The following PRICKLE2 variants were observed in gnomAD, a reference collection of about 807,000 sequenced individuals.
PRICKLE2 encodes the protein prickle-like protein 2.
A neutral mutation model predicts 81.4 loss-of-function variants in PRICKLE2; 21 were observed. That is an observed-to-expected ratio of 0.26 (90% CI 0.18 to 0.37). PRICKLE2 has a LOEUF of 0.37. Ranked by LOEUF, PRICKLE2 falls within the 10% of genes least tolerant of loss-of-function variation. PRICKLE2 has a pLI of 1.00. For missense variants in PRICKLE2, 940 were observed against 1,109.0 expected (o/e 0.85, Z 2.16); for synonymous variants, 456 against 421.5 (o/e 1.08, Z -1.00).
chr3:64,179,708 G>A (rs1391265833), intron 2 of PRICKLE2, among the ~76,000 whole-genome samples: 1 of 152,186 alleles, frequency 6.6e-6, no homozygotes, highest in African/African-American at 2.4e-5. Context: ...GACCATGAAA[G>A]TGCTGCCGCA....
chr3:64,253,649 C>A (rs1300930517), intron 2 of PRICKLE2, among the ~76,000 whole-genome samples: 1 of 152,194 alleles, frequency 6.6e-6, no homozygotes, highest in Non-Finnish European at 1.5e-5. Flanking sequence ...AACCATGAGA[C>A]AAGTGCTGGA....
intron 7 of PRICKLE2, among the ~76,000 whole-genome samples, chr3:64,133,227 G>C (rs2077223416): frequency 6.6e-6 from 1 of 152,174 alleles, no homozygotes; most frequent in Non-Finnish European, 1.5e-5. Flanking sequence ...CTCCTGAATA[G>C]AAAGAGAGGC....
intron 6 of PRICKLE2, among the ~76,000 whole-genome samples, chr3:64,150,998 G>C (rs984271987): frequency 6.6e-6 from 1 of 152,174 alleles, no homozygotes; most frequent in Admixed American, 6.5e-5. Flanking sequence ...AGCCCTTTAA[G>C]TACTTCTTGG....
intron 7 of PRICKLE2, among the ~76,000 whole-genome samples, chr3:64,110,522 T>C (rs2076826330): frequency 6.6e-6 from 1 of 151,944 alleles, no homozygotes; most frequent in African/African-American, 2.4e-5. Context: ...CAGATAATAA[T>C]CACTAGGAAG....
At chr3:64,254,137 T>C (rs1437402934) in intron 2 of PRICKLE2, among the ~76,000 whole-genome samples, 1 of 152,244 alleles carries the variant, frequency 6.6e-6, no homozygotes, top group African/African-American at 2.4e-5. Flanking sequence ...AGTGAAAATG[T>C]TAATGCAACA....
rs539833122 is a variant in PRICKLE2 at position 64,236,573 on chromosome 3, G to A, written c.129-37606C>T. On this transcript the variant is annotated intron_variant, in intron 2 of 8. Transcript: ENST00000295902. ...AACCATTGAACTGGATCCTAGCTCT[G>A]TTCCTTCTAATCTTAAATATTCCAT... 1.0e-3 allele frequency among the ~76,000 whole-genome samples: 157 copies of A among 152,316 alleles called. 1 individual carries two copies. The highest frequency in any genetic ancestry group is 2.2e-3 in the Non-Finnish European group (147 of 68,028).
At chr3:64,256,224 C>T (rs1299538868) in intron 2 of PRICKLE2, among the ~76,000 whole-genome samples, 1 of 152,112 alleles carries the variant, frequency 6.6e-6, no homozygotes, top group African/African-American at 2.4e-5. Flanking sequence ...TTCTATATGG[C>T]CCAGGAGCTA....
At chr3:64,231,389 G>C (rs1042154327) in intron 2 of PRICKLE2, among the ~76,000 whole-genome samples, 11 of 152,152 alleles carry the variant, frequency 7.2e-5, no homozygotes, top group African/African-American at 2.4e-4. Flanking sequence ...GACAAAGAAA[G>C]CTGCACTTAT....
At chr3:64,106,285 A>G (rs144060711) in intron 7 of PRICKLE2, among the ~76,000 whole-genome samples, 1 of 152,300 alleles carries the variant, frequency 6.6e-6, no homozygotes, top group East Asian at 1.9e-4. Context: ...GGAGTTTGCA[A>G]ACTGCAATGG....
chr3:64,212,550 T>G (rs2078805991), intron 1 of PRICKLE2, among the ~76,000 whole-genome samples: 5 of 152,224 alleles, frequency 3.3e-5, no homozygotes, highest in Admixed American at 3.3e-4. Flanking sequence ...TCTACCTTCT[T>G]TGTGGACGAG....
intron 1 of PRICKLE2, among the ~76,000 whole-genome samples, chr3:64,219,747 G>A (rs1321048612): frequency 1.3e-5 from 2 of 152,214 alleles, no homozygotes; most frequent in East Asian, 1.9e-4. Flanking sequence ...ACATCCCCAG[G>A]GGACATTATA....
chr3:64,217,393 T>C (rs1418655257), intron 1 of PRICKLE2, among the ~76,000 whole-genome samples: 4 of 152,202 alleles, frequency 2.6e-5, no homozygotes, highest in Non-Finnish European at 4.4e-5. Context: ...ATATACTGCA[T>C]AGTGATGAAG....
At chr3:64,239,041 T>A (rs1352045894) in intron 2 of PRICKLE2, among the ~76,000 whole-genome samples, 2 of 151,976 alleles carry the variant, frequency 1.3e-5, no homozygotes, top group Admixed American at 6.6e-5. Context: ...TGCTGGTGCA[T>A]CCTCAGGGTC....
At chr3:64,164,055 G>A (rs1352547462) in intron 2 of PRICKLE2, 1 of 152,080 alleles carries the variant, frequency 6.6e-6, no homozygotes, top group African/African-American at 2.4e-5. Context: ...AAATGGAGAA[G>A]ATGGAAGACT....
chr3:64,208,843 C>A (rs1197085497), intron 1 of PRICKLE2, among the ~76,000 whole-genome samples: 3 of 152,196 alleles, frequency 2.0e-5, no homozygotes, highest in Non-Finnish European at 4.4e-5. Flanking sequence ...CCAGTGCTTT[C>A]TCCTACCTTG....
chr3:64,179,543 A>C (rs2078090105), intron 2 of PRICKLE2, among the ~76,000 whole-genome samples: 1 of 152,214 alleles, frequency 6.6e-6, no homozygotes, highest in Non-Finnish European at 1.5e-5. Flanking sequence ...TCAGTCTGTG[A>C]GCTGGAATAA....
chr3:64,138,577 G>T (rs1031298815), intron 7 of PRICKLE2, among the ~76,000 whole-genome samples: 3 of 152,172 alleles, frequency 2.0e-5, no homozygotes, highest in Non-Finnish European at 4.4e-5. Flanking sequence ...CATCATTTGG[G>T]CCCCTGGAAC....
intron 1 of PRICKLE2, among the ~76,000 whole-genome samples, chr3:64,221,125 T>C (rs1461650422): frequency 2.0e-5 from 3 of 152,074 alleles, no homozygotes; most frequent in East Asian, 1.9e-4. Context: ...CTTTGCACTT[T>C]CGTGGTGGAT....
intron 1 of PRICKLE2, among the ~76,000 whole-genome samples, chr3:64,202,534 T>C (rs1230400071): frequency 6.6e-6 from 1 of 152,182 alleles, no homozygotes; most frequent in Non-Finnish European, 1.5e-5. Flanking sequence ...GTTCTCAATT[T>C]CACTTTCAGG....
Sources: gnomAD v4.1 joint callset for allele counts (sites outside exome capture counted in the v4.1 genomes callset) on GRCh38, gnomAD v4.1.1 for gene constraint, MANE v1.5 for transcripts, NCBI Gene and HGNC (gene_info 2026-07-23, HGNC 2026-07-21) for gene names.